Variants in NETO1 observed in about 807,000 individuals in gnomAD.
NETO1 encodes neuropilin and tolloid like 1.
NETO1 carries 26 observed loss-of-function variants against 61.3 expected under a neutral mutation model. The ratio of observed to expected loss-of-function variants is 0.42; its 90% CI spans 0.31 to 0.59. The LOEUF is 0.59. Ranked by LOEUF, NETO1 falls within the 20% of genes least tolerant of loss-of-function variation. NETO1 has a pLI of 0.12. For missense variants in NETO1, 531 were observed against 662.8 expected, an observed-to-expected ratio of 0.80 and a Z score of 2.18; for synonymous variants, 225 against 225.8, an observed-to-expected ratio of 1.00 and a Z score of 0.03.
chr18:72,829,399 A>C (rs7227716), intron 4 of NETO1, among the ~76,000 whole-genome samples: 124,034 of 151,998 alleles, frequency 0.82, 50,977 homozygotes, highest in Non-Finnish European at 0.86. Context: ...GATAAAGAGA[A>C]AAAAATATCT....
At chr18:72,768,666 G>A (rs577059563) in intron 7 of NETO1, among the ~76,000 whole-genome samples, 2 of 152,268 alleles carry the variant, frequency 1.3e-5, no homozygotes, top group African/African-American at 4.8e-5. Context: ...AAGGCACAGA[G>A]GTGATGTAAC....
chr18:72,861,733 C>G (rs1404237327), intron 3 of NETO1, among the ~76,000 whole-genome samples: 1 of 152,158 alleles, frequency 6.6e-6, no homozygotes, highest in Admixed American at 6.5e-5. Flanking sequence ...GAAATCTGAC[C>G]ACTTATGTAT....
chr18:72,839,826 C>T (rs562529461), intron 4 of NETO1, among the ~76,000 whole-genome samples: 153 of 152,302 alleles, frequency 1.0e-3, no homozygotes, highest in Middle Eastern at 3.4e-3. Context: ...AATTTAACCA[C>T]AGCCCTTTGT....
chr18:72,758,737 C>G (rs2070871331), intron 7 of NETO1, among the ~76,000 whole-genome samples: 1 of 151,856 alleles, frequency 6.6e-6, no homozygotes, highest in Non-Finnish European at 1.5e-5. Flanking sequence ...TCGGGAGGCT[C>G]AGGCAGGAGA....
In NETO1 at chr18:72,865,195, T is replaced by C. The variant is rs143784766; in HGVS notation, c.75A>G (p.Lys25=). 2.5e-4 allele frequency: 398 copies of C among 1,613,040 alleles called. No individual in the cohort carries two copies. In the Middle Eastern group the frequency reaches 9.2e-3, roughly 37 times the overall value. ...IILHLSGATK[K]GTEKQTTSET... is the part of the protein sequence containing the mutation. ...TTTTCTAAGTAAACACACCTGTTCCTTTCTTGGTTGCCCCAGACAAATGGA... is the reference window on the plus strand; with the variant it reads ...TTTTCTAAGTAAACACACCTGTTCCCTTCTTGGTTGCCCCAGACAAATGGA... Residue 25 remains lysine (K), a synonymous_variant, in exon 2 of 11, where the codon AAA becomes AAG. Transcript: ENST00000327305.
At chr18:72,759,604 C>T (rs1191420569) in intron 7 of NETO1, among the ~76,000 whole-genome samples, 1 of 152,146 alleles carries the variant, frequency 6.6e-6, no homozygotes, top group Non-Finnish European at 1.5e-5. Flanking sequence ...TGAGAACTAA[C>T]CTTCAAGGCC....
At chr18:72,818,954 C>T (rs1233822178) in intron 4 of NETO1, among the ~76,000 whole-genome samples, 1 of 152,150 alleles carries the variant, frequency 6.6e-6, no homozygotes, top group African/African-American at 2.4e-5. Context: ...ACACCTAAAA[C>T]ACACACGTTT....
At chr18:72,857,481 T>A (rs1010768363) in intron 4 of NETO1, among the ~76,000 whole-genome samples, 1 of 152,206 alleles carries the variant, frequency 6.6e-6, no homozygotes, top group Non-Finnish European at 1.5e-5. Context: ...ACCACAATTT[T>A]AAATCCAAGA....
At chr18:72,752,275 T>C (rs1192306328) in intron 8 of NETO1, among the ~76,000 whole-genome samples, 1 of 152,152 alleles carries the variant, frequency 6.6e-6, no homozygotes, top group African/African-American at 2.4e-5. Flanking sequence ...ATTTATGATC[T>C]TGGGCACTGT....
intron 7 of NETO1, among the ~76,000 whole-genome samples, 190 bp downstream of exon 7, chr18:72,783,488 G>A (rs184313815): frequency 1.8e-4 from 28 of 152,300 alleles, no homozygotes; most frequent in Non-Finnish European, 1.5e-5. Flanking sequence ...AAATAAGAAA[G>A]CAAAATGTAA....
intron 7 of NETO1, among the ~76,000 whole-genome samples, chr18:72,764,637 T>C (rs751204436): frequency 3.9e-4 from 60 of 152,280 alleles, no homozygotes; most frequent in Non-Finnish European, 6.8e-4. Context: ...GATCCAGACT[T>C]ACCCTGAATA....
intron 7 of NETO1, among the ~76,000 whole-genome samples, chr18:72,782,251 G>C (rs185398478): frequency 6.6e-6 from 1 of 152,232 alleles, no homozygotes; most frequent in African/African-American, 2.4e-5. Flanking sequence ...GTCTAACATG[G>C]AAAGGCATCT....
intron 10 of NETO1, 93 bp downstream of exon 10, chr18:72,748,921 G>T: frequency 6.3e-6 from 5 of 798,738 alleles, no homozygotes; most frequent in South Asian, 5.7e-5. Flanking sequence ...AAGAAATAAT[G>T]GATAAATAGC....
At chr18:72,777,808 G>A (rs191589501) in intron 7 of NETO1, among the ~76,000 whole-genome samples, 29 of 152,262 alleles carry the variant, frequency 1.9e-4, no homozygotes, top group African/African-American at 7.0e-4. Context: ...ACACACTGGG[G>A]TAGAGGTCTA....
chr18:72,834,196 C>A (rs1032020915), intron 4 of NETO1: 7 of 591,778 alleles, frequency 1.2e-5, no homozygotes, highest in Non-Finnish European at 1.3e-5. Flanking sequence ...AACATATATG[C>A]ATATTAGTGT....
At chr18:72,772,454 G>A (rs1020078053) in intron 7 of NETO1, among the ~76,000 whole-genome samples, 6 of 151,946 alleles carry the variant, frequency 3.9e-5, no homozygotes, top group Non-Finnish European at 5.9e-5. Flanking sequence ...GACCCTGGGG[G>A]TACAGTTTCT....
At chr18:72,798,882 C>T (rs905505018) in intron 4 of NETO1, among the ~76,000 whole-genome samples, 3 of 152,176 alleles carry the variant, frequency 2.0e-5, no homozygotes, top group African/African-American at 7.2e-5. Context: ...CCACTCTGTA[C>T]AATGTGTGGT....
At chr18:72,860,538 C>A (rs1323096351) in intron 3 of NETO1, among the ~76,000 whole-genome samples, 2 of 152,078 alleles carry the variant, frequency 1.3e-5, no homozygotes, top group Non-Finnish European at 2.9e-5. Flanking sequence ...AGTTTAAAGG[C>A]AATTCATTTT....
intron 4 of NETO1, among the ~76,000 whole-genome samples, chr18:72,827,452 T>C (rs1350239844): frequency 1.3e-5 from 2 of 152,146 alleles, no homozygotes; most frequent in Non-Finnish European, 2.9e-5. Context: ...GTACAGTATC[T>C]GGAACTCACA....
Sources: gnomAD v4.1 joint callset for allele counts (sites outside exome capture counted in the v4.1 genomes callset) on GRCh38, gnomAD v4.1.1 for gene constraint, MANE v1.5 for transcripts, NCBI Gene and HGNC (gene_info 2026-07-23, HGNC 2026-07-21) for gene names.